SEPTIN11: variants seen among roughly 807,000 people sequenced by gnomAD.
SEPTIN11 encodes septin 11.
SEPTIN11 carries 25 observed loss-of-function variants against 51.4 expected under a neutral mutation model. That is an observed-to-expected ratio of 0.49 (90% CI 0.35 to 0.68). The LOEUF is 0.68. SEPTIN11 is among the 30% of genes least tolerant of loss of function. The pLI is 0.00. For synonymous variants in SEPTIN11, 174 were observed against 184.1 expected, an observed-to-expected ratio of 0.95 and a Z score of 0.44; for missense variants, 381 against 520.8, an observed-to-expected ratio of 0.73 and a Z score of 2.61.
chr4:76,958,713 G>T, intron 1 of SEPTIN11: 1 of 516,762 alleles, frequency 1.9e-6, no homozygotes, highest in Non-Finnish European at 3.5e-6. Flanking sequence ...CGCGGTTTTT[G>T]TTGTTGTTGT....
At chr4:77,000,606 C>T (rs567122645) in intron 2 of SEPTIN11, among the ~76,000 whole-genome samples, 58 of 152,266 alleles carry the variant, frequency 3.8e-4, no homozygotes, top group African/African-American at 1.4e-3. Flanking sequence ...AAAAGTTTAA[C>T]ATACGACAGA....
chr4:76,954,436 T>C (rs1160461003), intron 1 of SEPTIN11, among the ~76,000 whole-genome samples: 1 of 152,116 alleles, frequency 6.6e-6, no homozygotes, highest in Non-Finnish European at 1.5e-5. Flanking sequence ...TCCAAGGAGA[T>C]CTACTTTACA....
intron 1 of SEPTIN11, among the ~76,000 whole-genome samples, chr4:76,975,135 AG>A (rs2109907174): frequency 6.6e-6 from 1 of 150,908 alleles, no homozygotes; most frequent in African/African-American, 2.4e-5. Flanking sequence ...AGAAGAAAAA[AG>A]AAAAAAAAAA....
At chr4:77,008,259 A>G (rs1200527782) in intron 3 of SEPTIN11, among the ~76,000 whole-genome samples, 2 of 152,186 alleles carry the variant, frequency 1.3e-5, no homozygotes, top group African/African-American at 4.8e-5. Flanking sequence ...AAATAGAATA[A>G]TTAGTTTGCC....
At chr4:77,039,439 T>C, downstream of SEPTIN11, 3 of 1,030,114 alleles carry the variant, frequency 2.9e-6, no homozygotes, top group Non-Finnish European at 3.5e-6. Flanking sequence ...CAAGAACTGA[T>C]GGACTGAAGA....
chr4:76,992,696 C>A (rs1228724641), intron 1 of SEPTIN11, among the ~76,000 whole-genome samples: 3 of 152,092 alleles, frequency 2.0e-5, no homozygotes, highest in Non-Finnish European at 4.4e-5. Flanking sequence ...CAGTATTTTC[C>A]TTTTATTGGT....
At chr4:77,020,081 G>A (rs1250329170) in intron 6 of SEPTIN11, among the ~76,000 whole-genome samples, 1 of 152,180 alleles carries the variant, frequency 6.6e-6, no homozygotes, top group Admixed American at 6.5e-5. Context: ...AGCATGGAGT[G>A]GTACAAATAC....
rs1726996041 is a variant in SEPTIN11, at chr4:77,035,977, A to G, written c.*1465A>G. The G allele has an allele frequency of 1.0e-6, 1 of 985,856 alleles. No individual in the cohort carries two copies. The highest frequency in any genetic ancestry group is 1.2e-6 in the Non-Finnish European group (1 of 829,952). 61.1% of individuals were successfully genotyped at this position (985,856 alleles called of 1,614,324 possible). On this transcript the variant is annotated 3_prime_UTR_variant, in exon 10 of 10. Transcript: ENST00000264893. Reference sequence around the variant, plus strand: ...TCTGCATTTTCCTCACTGGTTAGAGATTAAGTAAATAGGATAGAATATGCT... The same window carrying G: ...TCTGCATTTTCCTCACTGGTTAGAGGTTAAGTAAATAGGATAGAATATGCT...
intron 1 of SEPTIN11, among the ~76,000 whole-genome samples, chr4:76,991,257 G>A (rs998322281): frequency 6.6e-6 from 1 of 152,170 alleles, no homozygotes; most frequent in Non-Finnish European, 1.5e-5. Flanking sequence ...ACCCTGCCAA[G>A]GAGATATGTA....
At chr4:76,972,628 A>T (rs1222513537) in intron 1 of SEPTIN11, 1 of 152,226 alleles carries the variant, frequency 6.6e-6, no homozygotes, top group Non-Finnish European at 1.5e-5. Flanking sequence ...AGTTGAGTAC[A>T]AACTGAGCTA....
rs1301345523 is a variant in SEPTIN11, at chr4:76,984,836, G to A, written c.28-11589G>A. Among the ~76,000 whole-genome samples, 1 of 152,188 alleles carries A rather than the reference G, an allele frequency of 6.6e-6. No homozygotes were observed. Among genetic ancestry groups the A allele is most frequent in the Non-Finnish European group, 1.5e-5 (1 of 68,024 alleles). ...GTTTGGGACCCACTGGACAGCAAGA[G>A]GGTTTTGAAATGGTTTATGACCTCT... is the stretch of plus-strand genomic sequence containing the variant. On this transcript the variant is annotated intron_variant, in intron 1 of 9. Coordinates refer to ENST00000264893, the MANE Select transcript of SEPTIN11 (RefSeq NM_018243.4). This position sits in a 1 kb window ranked among gnomAD's most constrained non-coding sequence, Gnocchi z 4.1.
intron 1 of SEPTIN11, among the ~76,000 whole-genome samples, chr4:76,966,430 A>G (rs1029535241): frequency 2.1e-4 from 32 of 149,950 alleles, no homozygotes; most frequent in Admixed American, 6.7e-4. Context: ...TATAGCAACT[A>G]TTTTCAGCAA....
At position 77,014,883 on chromosome 4, in the gene SEPTIN11, G is replaced by A; in HGVS notation, c.553G>A (p.Ala185Thr). Residue 185 changes from alanine (A) to threonine (T), a missense_variant, in exon 5 of 10, where the codon GCT becomes ACT. Ala to Thr is a moderately conservative substitution (Grantham distance 58). Transcript: ENST00000264893. ...GAACATCATTCCAATAATTGCAAAA[G>A]CTGACACCATTGCCAAGAATGAACT... is the stretch of plus-strand genomic sequence containing the variant. ...KVNIIPIIAKADTIAKNELHK... is the reference protein window; with the variant it reads ...KVNIIPIIAKTDTIAKNELHK... 1 of 1,614,080 alleles carries A rather than the reference G, an allele frequency of 6.2e-7. No homozygotes were observed. Among genetic ancestry groups the A allele is most frequent in the Non-Finnish European group, 8.5e-7 (1 of 1,179,994 alleles).
At chr4:76,950,307 C>T (rs1208629113) in intron 1 of SEPTIN11, among the ~76,000 whole-genome samples, 2 of 152,218 alleles carry the variant, frequency 1.3e-5, no homozygotes, top group African/African-American at 4.8e-5. Flanking sequence ...CTCCAGTCTC[C>T]CCCGCGCCGA....
downstream of SEPTIN11, chr4:77,038,972 C>T: frequency 1.3e-6 from 1 of 766,704 alleles, no homozygotes; most frequent in Non-Finnish European, 1.9e-6. Context: ...AACTGACACA[C>T]TGCTGTTCTT....
At chr4:76,963,203 T>C (rs1721891633) in intron 1 of SEPTIN11, among the ~76,000 whole-genome samples, 1 of 152,256 alleles carries the variant, frequency 6.6e-6, no homozygotes, top group Non-Finnish European at 1.5e-5. Flanking sequence ...TTTTTGGTCT[T>C]TAAATATACT....
chr4:76,986,834 T>C (rs1053629465), intron 1 of SEPTIN11, among the ~76,000 whole-genome samples: 4 of 152,236 alleles, frequency 2.6e-5, no homozygotes, highest in African/African-American at 7.2e-5. Context: ...AAAAATCTTA[T>C]ATATTTTCTA....
intron 1 of SEPTIN11, chr4:76,987,953 T>C (rs1723132658): frequency 3.2e-6 from 1 of 314,524 alleles, no homozygotes; most frequent in South Asian, 1.2e-4. Flanking sequence ...ACATGTCTCC[T>C]CTGCCCTCTG....
At chr4:77,013,939 A>T (rs1036562836) in intron 4 of SEPTIN11, among the ~76,000 whole-genome samples, 4 of 152,164 alleles carry the variant, frequency 2.6e-5, no homozygotes, top group Non-Finnish European at 4.4e-5. Context: ...ATTAGGGGAA[A>T]GTTAATCTTA....
Sources: gnomAD v4.1 joint callset for allele counts (sites outside exome capture counted in the v4.1 genomes callset) on GRCh38, gnomAD v4.1.1 for gene constraint, Gnocchi (gnomAD v3.1) non-coding constraint, MANE v1.5 for transcripts, NCBI Gene and HGNC (gene_info 2026-07-23, HGNC 2026-07-21) for gene names.